Variants in MEGF11 observed in about 807,000 individuals in gnomAD.
MEGF11 encodes the protein multiple EGF like domains 11, also known as multiple epidermal growth factor-like domains protein 11.
A neutral mutation model predicts 146.6 loss-of-function variants in MEGF11; 126 were observed. That is an observed-to-expected ratio of 0.86 (90% CI 0.74 to 1.00). The LOEUF is 1.00. Ranked by LOEUF, MEGF11 falls within the 50% of genes least tolerant of loss-of-function variation. The pLI is 0.00. For missense variants in MEGF11, 1,509 were observed against 1,521.2 expected (o/e 0.99, Z 0.13); for synonymous variants, 532 against 583.4 (o/e 0.91, Z 1.27).
chr15:65,919,412 C>T (rs767286454), intron 15 of MEGF11, among the ~76,000 whole-genome samples: 2 of 152,206 alleles, frequency 1.3e-5, no homozygotes, highest in Admixed American at 6.5e-5. Flanking sequence ...AAGCAAGTCA[C>T]ACAAATGTTT....
chr15:66,026,223 G>A (rs1457019520), intron 5 of MEGF11, among the ~76,000 whole-genome samples: 1 of 152,230 alleles, frequency 6.6e-6, no homozygotes, highest in East Asian at 1.9e-4. Flanking sequence ...TCACCTGGGA[G>A]GTCTTGTTAA....
At chr15:65,911,979 T>C (rs2078826194) in intron 21 of MEGF11, 103 bp downstream of exon 21, 2 of 542,652 alleles carry the variant, frequency 3.7e-6, no homozygotes, top group African/African-American at 3.9e-5. Flanking sequence ...CAGTTCTACA[T>C]GGACCCTCCA....
At chr15:66,071,246 T>C (rs1259402662) in intron 5 of MEGF11, among the ~76,000 whole-genome samples, 2 of 152,152 alleles carry the variant, frequency 1.3e-5, no homozygotes, top group African/African-American at 2.4e-5. Flanking sequence ...TCTCCTAGAC[T>C]CTACGTTCCT....
intron 5 of MEGF11, among the ~76,000 whole-genome samples, chr15:66,060,353 T>G (rs1005338559): frequency 1.3e-5 from 2 of 152,192 alleles, no homozygotes; most frequent in Non-Finnish European, 2.9e-5. Context: ...CTCCTTTCCA[T>G]GCCCTTGAGA....
At chr15:66,200,957 G>T (rs562171416) in intron 1 of MEGF11, among the ~76,000 whole-genome samples, 99 of 152,096 alleles carry the variant, frequency 6.5e-4, no homozygotes, top group African/African-American at 2.2e-3. Flanking sequence ...CTGCCAAACA[G>T]AAGTATTCAG....
chr15:65,953,972 G>T (rs1196531516), intron 10 of MEGF11, among the ~76,000 whole-genome samples: 2 of 152,148 alleles, frequency 1.3e-5, no homozygotes, highest in African/African-American at 2.4e-5. Context: ...AAGACCCCGG[G>T]CAGGGAGAGC....
chr15:66,096,341 G>A (rs1000743555), intron 4 of MEGF11, among the ~76,000 whole-genome samples: 1 of 152,216 alleles, frequency 6.6e-6, no homozygotes, highest in Non-Finnish European at 1.5e-5. Context: ...GTCAGGACTC[G>A]AAGAGACTTA....
At chr15:66,141,067 T>C (rs1048473683) in intron 1 of MEGF11, among the ~76,000 whole-genome samples, 2 of 152,124 alleles carry the variant, frequency 1.3e-5, no homozygotes, top group Non-Finnish European at 2.9e-5. Context: ...CCAGCCTTGG[T>C]ACATGGCCAG....
chr15:65,909,538 G>A (rs931979107), intron 22 of MEGF11, among the ~76,000 whole-genome samples: 1 of 152,096 alleles, frequency 6.6e-6, no homozygotes, highest in African/African-American at 2.4e-5. Flanking sequence ...TATGGTCCCT[G>A]GGTCATAGCA....
rs1358694619 is a variant in MEGF11, at chr15:65,978,660, CCTCTGAGGACCCAGCCTGCTGGGT to C, written c.762+2094_762+2117del. ...ATCCAACCTTTCTGCTGCAGCTGGG[CCTCTGAGGACCCAGCCTGCTGGGT>C]GGATTTCTGAAAGCTGGTTGGAGAT... On this transcript the variant is annotated intron_variant, in intron 7 of 25. Transcript: ENST00000395614. 1.1e-4 allele frequency among the ~76,000 whole-genome samples: 17 copies of C among 152,326 alleles called. 1 individual carries two copies. The South Asian group carries it at 3.3e-3, about 30-fold the overall frequency.
chr15:66,066,741 C>T (rs1447400305), intron 5 of MEGF11, among the ~76,000 whole-genome samples: 1 of 152,240 alleles, frequency 6.6e-6, no homozygotes, highest in East Asian at 1.9e-4. Flanking sequence ...CTTAATGCAC[C>T]TCCCTGATCA....
intron 5 of MEGF11, among the ~76,000 whole-genome samples, chr15:66,093,856 C>A (rs902798247): frequency 6.6e-6 from 1 of 152,138 alleles, no homozygotes; most frequent in African/African-American, 2.4e-5. Context: ...AGGAAGGCTT[C>A]CCTGGAGAAG....
At chr15:66,125,232 C>T (rs1353418247) in intron 2 of MEGF11, among the ~76,000 whole-genome samples, 1 of 152,162 alleles carries the variant, frequency 6.6e-6, no homozygotes, top group Non-Finnish European at 1.5e-5. Context: ...TGTGCCCCCA[C>T]CAGCTGGCAC....
intron 5 of MEGF11, among the ~76,000 whole-genome samples, chr15:66,019,602 A>G (rs2083028236): frequency 6.6e-6 from 1 of 152,202 alleles, no homozygotes; most frequent in African/African-American, 2.4e-5. Flanking sequence ...CCCCGCAGCC[A>G]GCAGCAGACC....
intron 1 of MEGF11, among the ~76,000 whole-genome samples, chr15:66,200,375 T>C (rs141627801): frequency 1.2e-3 from 179 of 152,368 alleles, no homozygotes; most frequent in African/African-American, 4.1e-3. Flanking sequence ...ACCCAAAGAC[T>C]GTTTTGAAAT....
intron 20 of MEGF11, among the ~76,000 whole-genome samples, chr15:65,913,200 G>A (rs1037793793): frequency 1.3e-5 from 2 of 152,122 alleles, no homozygotes; most frequent in African/African-American, 4.8e-5. Flanking sequence ...ACTGGGCTCT[G>A]GCACACTTGC....
intron 5 of MEGF11, among the ~76,000 whole-genome samples, chr15:66,068,247 A>T (rs1210719750): frequency 6.6e-6 from 1 of 152,188 alleles, no homozygotes; most frequent in Non-Finnish European, 1.5e-5. Context: ...TAAATGTTTT[A>T]TGAGCAAATG....
chr15:66,136,870 A>G (rs534502236), intron 1 of MEGF11, among the ~76,000 whole-genome samples: 18 of 152,216 alleles, frequency 1.2e-4, no homozygotes, highest in African/African-American at 4.3e-4. Flanking sequence ...TCTACAAACA[A>G]TACGGGAAAA....
intron 5 of MEGF11, among the ~76,000 whole-genome samples, chr15:66,080,414 C>T (rs963332402): frequency 6.6e-6 from 1 of 152,132 alleles, no homozygotes; most frequent in Admixed American, 6.5e-5. Flanking sequence ...CCCATGATGG[C>T]CTCGCCATCC....
Sources: gnomAD v4.1 joint callset for allele counts (sites outside exome capture counted in the v4.1 genomes callset) on GRCh38, gnomAD v4.1.1 for gene constraint, MANE v1.5 for transcripts, NCBI Gene and HGNC (gene_info 2026-07-23, HGNC 2026-07-21) for gene names.